Variants in COL11A1 observed in about 807,000 individuals in gnomAD.
COL11A1 encodes collagen type XI alpha 1 chain, also known as collagen alpha-1(XI) chain.
In COL11A1, 74 loss-of-function variants were observed where a neutral mutation model predicts 265.2. That is an observed-to-expected ratio of 0.28 (90% confidence interval 0.23 to 0.34). COL11A1 has a LOEUF of 0.34. COL11A1 is among the 10% of genes least tolerant of loss of function. COL11A1 has a pLI of 1.00. For synonymous variants in COL11A1, 816 were observed against 727.6 expected (o/e 1.12, Z -1.96); for missense variants, 2,165 against 2,263.6 (o/e 0.96, Z 0.88).
intron 4 of COL11A1, among the ~76,000 whole-genome samples, chr1:103,063,860 T>C (rs1670862726): frequency 6.6e-6 from 1 of 151,954 alleles, no homozygotes; most frequent in African/African-American, 2.4e-5. Context: ...TATTCAACAA[T>C]AAAAAAGCTA....
At chr1:102,945,241 C>CT (rs1359708014) in intron 42 of COL11A1, among the ~76,000 whole-genome samples, 2 of 126,696 alleles carry the variant, frequency 1.6e-5, no homozygotes, top group Non-Finnish European at 3.4e-5. Context: ...AATTTGTTTT[C>CT]TTTTTACTCT....
At chr1:102,925,341 A>T (rs74110503) in intron 46 of COL11A1, among the ~76,000 whole-genome samples, 1 of 152,196 alleles carries the variant, frequency 6.6e-6, no homozygotes, top group African/African-American at 2.4e-5. Context: ...CAATGCTGGT[A>T]ATGATCCACA....
intron 4 of COL11A1, among the ~76,000 whole-genome samples, chr1:103,043,227 T>C (rs902268406): frequency 7.2e-6 from 1 of 138,712 alleles, no homozygotes; most frequent in Non-Finnish European, 1.6e-5. Context: ...ATATATATAA[T>C]GTATATATGA....
intron 49 of COL11A1, among the ~76,000 whole-genome samples, chr1:102,918,264 A>T (rs1029312771): frequency 2.6e-5 from 4 of 151,836 alleles, no homozygotes; most frequent in Non-Finnish European, 5.9e-5. Context: ...AGAACAACAA[A>T]TTACTCTGTA....
At chr1:102,955,385 A>G (rs1660274031) in intron 41 of COL11A1, among the ~76,000 whole-genome samples, 1 of 152,220 alleles carries the variant, frequency 6.6e-6, no homozygotes, top group Non-Finnish European at 1.5e-5. Flanking sequence ...GTCACATAAT[A>G]GGAGTCACAG....
intron 42 of COL11A1, among the ~76,000 whole-genome samples, chr1:102,943,465 ACACACACACACACACAC>A (rs1570809347): frequency 6.7e-6 from 1 of 148,264 alleles, no homozygotes; most frequent in East Asian, 1.9e-4. Flanking sequence ...ACACACACAC[ACACACACACACACACAC>A]ACAAACAACC....
intron 42 of COL11A1, among the ~76,000 whole-genome samples, chr1:102,942,543 C>G (rs2101340624): frequency 7.3e-6 from 1 of 136,526 alleles, no homozygotes; most frequent in East Asian, 2.7e-4. Flanking sequence ...CTTTATTTCA[C>G]CACTTCTAAC....
intron 41 of COL11A1, among the ~76,000 whole-genome samples, chr1:102,950,140 A>G (rs1659733864): frequency 6.6e-6 from 1 of 152,006 alleles, no homozygotes; most frequent in Admixed American, 6.6e-5. Flanking sequence ...AAAAATACAA[A>G]AATTATCTGG....
At chr1:102,935,517 A>G (rs938080465) in intron 44 of COL11A1, among the ~76,000 whole-genome samples, 5 of 152,174 alleles carry the variant, frequency 3.3e-5, no homozygotes, top group African/African-American at 1.2e-4. Context: ...TGAATATCAG[A>G]ATTCTGAGGG....
intron 28 of COL11A1, among the ~76,000 whole-genome samples, chr1:102,991,450 A>AG (rs71592253): frequency 0.044 from 6,713 of 152,076 alleles, 205 homozygotes; most frequent in South Asian, 0.15. Flanking sequence ...CACGTGATCT[A>AG]GCCCTTCTTC....
chr1:102,940,405 C>T lies in COL11A1; in HGVS notation c.3306G>A (p.Gly1102=). 6.2e-7 allele frequency: 1 copy of T among 1,614,000 alleles called. No individual in the cohort carries two copies. Among genetic ancestry groups the T allele is most frequent in the Non-Finnish European group, 8.5e-7 (1 of 1,179,976 alleles). ...PGEKGPQGPA[G]RDGVQGPVGL... is the part of the protein sequence containing the mutation. ...CAACAGGACCTTGAACTCCATCTCT[C>T]CCTGCAGGCCCTTGGGGACCTTTTT... is the stretch of plus-strand genomic sequence containing the variant. The change falls in exon 43 of 67, where the codon GGG becomes GGA. Residue 1102 remains glycine (G), a synonymous_variant. Transcript: ENST00000370096.
chr1:103,033,161 T>C (rs1389197511), intron 4 of COL11A1, among the ~76,000 whole-genome samples: 1 of 152,142 alleles, frequency 6.6e-6, no homozygotes, highest in African/African-American at 2.4e-5. Context: ...CGTTGTACCA[T>C]GTGTTAGTAC....
chr1:102,940,219 G>A (rs1658577479), intron 43 of COL11A1, 108 bp downstream of exon 43: 1 of 884,030 alleles, frequency 1.1e-6, no homozygotes, highest in South Asian at 1.4e-5. Flanking sequence ...CTTTGAAAAA[G>A]GTAACCTTTC....
At chr1:102,881,888 T>A in intron 64 of COL11A1, 123 bp from the exon 65 acceptor site, 1 of 739,992 alleles carries the variant, frequency 1.4e-6, no homozygotes, top group Non-Finnish European at 2.3e-6. Flanking sequence ...AAAATCGTTT[T>A]AAAATGACAC....
chr1:102,915,538 G>T, intron 50 of COL11A1, 93 bp downstream of exon 50: 4 of 1,095,562 alleles, frequency 3.7e-6, no homozygotes, highest in South Asian at 2.5e-5. Flanking sequence ...AGTAAAATTC[G>T]AACCACAGCT....
At chr1:103,055,943 C>T (rs1051370412) in intron 4 of COL11A1, among the ~76,000 whole-genome samples, 2 of 152,280 alleles carry the variant, frequency 1.3e-5, no homozygotes, top group Middle Eastern at 6.8e-3. Context: ...ACTATAAACT[C>T]TGAACAAAAT....
chr1:102,982,443 C>T (rs968140128), intron 31 of COL11A1, among the ~76,000 whole-genome samples: 1 of 151,910 alleles, frequency 6.6e-6, no homozygotes, highest in Non-Finnish European at 1.5e-5. Context: ...GTAAGGATAG[C>T]TTGAGGTCCT....
chr1:102,963,426 G>A (rs1169505063), intron 38 of COL11A1, among the ~76,000 whole-genome samples: 1 of 152,130 alleles, frequency 6.6e-6, no homozygotes, highest in South Asian at 2.1e-4. Context: ...TCATTTACGT[G>A]TCCCCTGAGT....
At chr1:102,921,853 A>G (rs1410903716) in intron 47 of COL11A1, among the ~76,000 whole-genome samples, 3 of 152,230 alleles carry the variant, frequency 2.0e-5, no homozygotes, top group African/African-American at 7.2e-5. Flanking sequence ...TGTTCACAAT[A>G]TAACTAGATA....
Sources: allele counts gnomAD v4.1 joint callset (sites outside exome capture counted in the v4.1 genomes callset), GRCh38; gene constraint gnomAD v4.1.1; transcripts MANE v1.5; gene names NCBI Gene and HGNC (gene_info 2026-07-23, HGNC 2026-07-21).